RASGEF1A: variants seen among roughly 807,000 people sequenced by gnomAD.
The protein encoded by RASGEF1A is RasGEF domain family member 1A, also known as ras-GEF domain-containing family member 1A.
Under a neutral mutation model 56.4 loss-of-function variants are expected in RASGEF1A, and 18 were observed. The ratio of observed to expected loss-of-function variants is 0.32; its 90% CI spans 0.22 to 0.47. The LOEUF is 0.47. Ranked by LOEUF, RASGEF1A falls within the 20% of genes least tolerant of loss-of-function variation. The pLI is 1.00. For missense variants in RASGEF1A, 422 were observed against 627.1 expected, an observed-to-expected ratio of 0.67 and a Z score of 3.49; for synonymous variants, 245 against 242.6, an observed-to-expected ratio of 1.01 and a Z score of -0.09.
In RASGEF1A at chr10:43,231,508, GA is replaced by G. The variant is rs1840366912; in HGVS notation, c.-6-25387del. 2.6e-5 allele frequency among the ~76,000 whole-genome samples: 4 copies of G among 152,338 alleles called. 1 individual carries two copies. Among genetic ancestry groups the G allele is most frequent in the Admixed American group, 2.6e-4 (4 of 15,312 alleles). On this transcript the variant is annotated intron_variant, in intron 1 of 12. Coordinates refer to ENST00000395810, the MANE Select transcript of RASGEF1A (RefSeq NM_145313.4). ...ATGTGACACTCTAGAGGAGGTGGTG[GA>G]TGGGTGGGCAGCCCCACAAGCCTTC...
intron 1 of RASGEF1A, among the ~76,000 whole-genome samples, chr10:43,257,117 C>G (rs759351406): frequency 6.6e-6 from 1 of 152,226 alleles, no homozygotes; most frequent in African/African-American, 2.4e-5. Context: ...AATGGTTCTG[C>G]CTGAGTCCAT....
intron 3 of RASGEF1A, among the ~76,000 whole-genome samples, chr10:43,202,193 C>T (rs1032163520): frequency 7.2e-5 from 11 of 152,198 alleles, no homozygotes; most frequent in African/African-American, 2.4e-4. Context: ...AAAAACCCAC[C>T]CCATCTCTAA....
At chr10:43,217,974 C>A (rs1184992954) in intron 1 of RASGEF1A, among the ~76,000 whole-genome samples, 1 of 152,194 alleles carries the variant, frequency 6.6e-6, no homozygotes, top group African/African-American at 2.4e-5. Flanking sequence ...CAGCTGCAGG[C>A]CCAGGCTGGA....
At chr10:43,222,434 C>T (rs1158562847) in intron 1 of RASGEF1A, among the ~76,000 whole-genome samples, 1 of 152,118 alleles carries the variant, frequency 6.6e-6, no homozygotes, top group Non-Finnish European at 1.5e-5. Context: ...AAGAGAGAGG[C>T]TGAAGGTTGG....
intron 1 of RASGEF1A, among the ~76,000 whole-genome samples, chr10:43,237,364 C>A (rs1302657809): frequency 6.6e-6 from 1 of 152,032 alleles, no homozygotes; most frequent in Non-Finnish European, 1.5e-5. Flanking sequence ...TCCAATGGAG[C>A]CCCTGGCCAT....
chr10:43,202,759 C>T lies in RASGEF1A; in HGVS notation c.321+539G>A. On this transcript the variant is annotated intron_variant, in intron 3 of 12. Transcript: ENST00000395810. ...CAGCCTAGGCCCCCCACCACCCGCT[C>T]CCACCACGCCCCTAACCCGGACCCA... 1.1e-5 allele frequency: 5 copies of T among 464,406 alleles called. No homozygotes were observed. In the Admixed American group the frequency reaches 1.2e-4, roughly 11 times the overall value. 28.8% of individuals were successfully genotyped at this position (464,406 alleles called of 1,614,324 possible). A position where few individuals can be genotyped will look rare whatever the true frequency, so the allele number is the denominator to read the frequency against.
chr10:43,206,766 G>A, intron 1 of RASGEF1A: 2 of 986,466 alleles, frequency 2.0e-6, no homozygotes, highest in Non-Finnish European at 2.4e-6. Flanking sequence ...TGGCGAGCAG[G>A]GCCACTCCAC....
At chr10:43,203,193 T>A in intron 3 of RASGEF1A, 105 bp downstream of exon 3, 13 of 729,930 alleles carry the variant, frequency 1.8e-5, no homozygotes, top group African/African-American at 3.0e-5. Flanking sequence ...CCTGACCCCA[T>A]CCCCCAGCTC....
intron 1 of RASGEF1A, among the ~76,000 whole-genome samples, chr10:43,249,858 G>C (rs938277291): frequency 2.0e-5 from 3 of 152,370 alleles, no homozygotes; most frequent in Middle Eastern, 3.4e-3. Context: ...AGCTGCTGCA[G>C]CCACCAGGGT....
intron 6 of RASGEF1A, 148 bp from the exon 7 acceptor site, chr10:43,199,916 G>A (rs1839866576): frequency 4.0e-6 from 3 of 754,272 alleles, no homozygotes; most frequent in Non-Finnish European, 6.6e-6. Flanking sequence ...GCCCAGTGCA[G>A]GGCTGGCAGG....
intron 1 of RASGEF1A, among the ~76,000 whole-genome samples, chr10:43,266,246 G>C (rs376255130): frequency 1.3e-5 from 2 of 152,204 alleles, no homozygotes; most frequent in East Asian, 3.9e-4. Context: ...GGGCCGGCAA[G>C]GCCTGGGGCA....
At chr10:43,251,747 G>A (rs1379639309) in intron 1 of RASGEF1A, among the ~76,000 whole-genome samples, 1 of 152,154 alleles carries the variant, frequency 6.6e-6, no homozygotes, top group African/African-American at 2.4e-5. Flanking sequence ...CTGGCTCACG[G>A]GACACCTCTG....
intron 1 of RASGEF1A, among the ~76,000 whole-genome samples, chr10:43,228,864 G>A (rs775110194): frequency 1.3e-5 from 2 of 152,208 alleles, no homozygotes; most frequent in Admixed American, 6.5e-5. Context: ...CCCGATAAAT[G>A]CATGCTGAGT....
intron 1 of RASGEF1A, chr10:43,207,462 C>G: frequency 1.0e-6 from 1 of 984,364 alleles, no homozygotes; most frequent in Non-Finnish European, 1.2e-6. Context: ...CCTGTCCCTC[C>G]CACCAGGGAA....
Position 43,203,351 on chromosome 10 carries a change from C to T in RASGEF1A, c.268G>A (p.Val90Met), listed in dbSNP as rs773897743. 1.9e-6 allele frequency: 3 copies of T among 1,584,978 alleles called. No homozygotes were observed. ...TTCTGCTCCACGCAGATCTGCCCCA[C>T]GCGGGCCAGCAGGTCATGAGGGGGC... ...FMPPHDLLAR[V>M]GQICVEQKQQ... The change falls in exon 3 of 13, where the codon GTG becomes ATG. Residue 90 changes from valine (V) to methionine (M), a missense_variant. This residue lies in a region of RASGEF1A where 273 missense variants were observed against 339.9 expected (regional missense o/e 0.80). Coordinates refer to ENST00000395810, the MANE Select transcript of RASGEF1A (RefSeq NM_145313.4).
At chr10:43,245,287 T>C (rs1840556050) in intron 1 of RASGEF1A, among the ~76,000 whole-genome samples, 1 of 152,084 alleles carries the variant, frequency 6.6e-6, no homozygotes, top group Admixed American at 6.5e-5. Flanking sequence ...GAATTAGTAA[T>C]CAAAAAACTT....
rs186077287 is a variant in RASGEF1A, at chr10:43,203,619, G to A, written c.199-199C>T. ...TACCCCGGCCCTGCCTACCTAGGAG[G>A]CACGGCTCGAGCCCCGCCTCCCAGC... On this transcript the variant is annotated intron_variant, in intron 2 of 12. Coordinates refer to ENST00000395810, the MANE Select transcript of RASGEF1A (RefSeq NM_145313.4). 231 of 1,207,726 alleles carry A rather than the reference G, an allele frequency of 1.9e-4. No individual in the cohort carries two copies. In the African/African-American group the frequency reaches 3.5e-3, roughly 18 times the overall value. 74.8% of individuals were successfully genotyped at this position (1,207,726 alleles called of 1,614,324 possible). A position where few individuals can be genotyped will look rare whatever the true frequency, so the allele number is the denominator to read the frequency against.
intron 1 of RASGEF1A, among the ~76,000 whole-genome samples, chr10:43,252,529 G>A (rs570214490): frequency 1.3e-5 from 2 of 152,184 alleles, no homozygotes; most frequent in Admixed American, 1.3e-4. Context: ...TGGGTAGTCA[G>A]TGACTCTGTC....
chr10:43,248,489 A>G (rs547056700), intron 1 of RASGEF1A, among the ~76,000 whole-genome samples: 13 of 152,196 alleles, frequency 8.5e-5, no homozygotes, highest in Non-Finnish European at 1.3e-4. Flanking sequence ...TGAATTATAT[A>G]TTTCAATTTC....
Sources: gnomAD v4.1 joint callset for allele counts (sites outside exome capture counted in the v4.1 genomes callset) on GRCh38, gnomAD v4.1.1 for gene constraint, gnomAD v4.1.1 regional missense constraint, MANE v1.5 for transcripts, NCBI Gene and HGNC (gene_info 2026-07-23, HGNC 2026-07-21) for gene names.